Variants in DLGAP1 observed in about 807,000 individuals in gnomAD.
DLGAP1 encodes the protein disks large-associated protein 1.
DLGAP1 carries 11 observed loss-of-function variants against 90.8 expected under a neutral mutation model. The observed-to-expected ratio is 0.12, with a 90% CI of 0.08 to 0.20. The LOEUF is 0.20. Ranked by LOEUF, DLGAP1 falls within the 10% of genes least tolerant of loss-of-function variation. DLGAP1 has a pLI of 1.00. For missense variants in DLGAP1, 1,050 were observed against 1,333.8 expected, an observed-to-expected ratio of 0.79 and a Z score of 3.31; for synonymous variants, 558 against 540.7, an observed-to-expected ratio of 1.03 and a Z score of -0.44.
intron 2 of DLGAP1, among the ~76,000 whole-genome samples, chr18:4,040,169 C>T (rs553340780): frequency 1.1e-4 from 17 of 152,276 alleles, no homozygotes; most frequent in South Asian, 2.1e-4. Flanking sequence ...ACCACTCATC[C>T]GCTGTGTGAT....
intron 1 of DLGAP1, among the ~76,000 whole-genome samples, chr18:4,401,781 T>C (rs62087779): frequency 0.029 from 4,427 of 152,268 alleles, 92 homozygotes; most frequent in South Asian, 0.095. Context: ...TTATCTATGT[T>C]TGAAAAGAAA....
chr18:3,976,191 C>CAATAATAATAATAAT lies in DLGAP1; in HGVS notation c.-73+28910_-73+28924dup, dbSNP rs71160926. ...GAGAAACCCGTCTCTACTAAAAATA[C>CAATAATAATAATAAT]AATAATAATAATAATAATAATAATA... On this transcript the variant is annotated intron_variant, in intron 3 of 12. Transcript: ENST00000315677. 9.4e-3 allele frequency among the ~76,000 whole-genome samples: 1,249 copies of CAATAATAATAATAAT among 132,770 alleles called. 12 individuals carry two copies. Among genetic ancestry groups the CAATAATAATAATAAT allele is most frequent in the African/African-American group, 0.028 (867 of 30,564 alleles). 87.1% of individuals were successfully genotyped at this position (132,770 alleles called of 152,430 possible). A position where few individuals can be genotyped will look rare whatever the true frequency, so the allele number is the denominator to read the frequency against.
At chr18:4,280,816 T>C (rs1405141386) in intron 1 of DLGAP1, 10 of 152,232 alleles carry the variant, frequency 6.6e-5, no homozygotes, top group Non-Finnish European at 1.5e-4. Flanking sequence ...TGGTTGGGCA[T>C]AGATAATTGC....
intron 1 of DLGAP1, among the ~76,000 whole-genome samples, chr18:4,250,913 T>C (rs1317015791): frequency 6.6e-6 from 1 of 151,628 alleles, no homozygotes; most frequent in African/African-American, 2.4e-5. Context: ...TCAGCTACTA[T>C]ATTCAATTAA....
chr18:3,567,495 C>G lies in DLGAP1; in HGVS notation c.2052G>C (p.Glu684Asp). The G allele has an allele frequency of 6.2e-7, 1 of 1,613,752 alleles. No individual in the cohort carries two copies. The highest frequency in any genetic ancestry group is 8.5e-7 in the Non-Finnish European group (1 of 1,179,780). The part of the protein sequence containing the change: ...FQSVGVQVEE[E>D]KCFRRFTRSN... ...ATGCGTGCATGTGGACTTACCACTTCTCTTCTTCTACTTGCACTCCCACGG... is the reference window on the plus strand; with the variant it reads ...ATGCGTGCATGTGGACTTACCACTTGTCTTCTTCTACTTGCACTCCCACGG... Residue 684 changes from glutamate to aspartate, a missense_variant, in exon 9 of 13, where the codon GAG becomes GAC. Coordinates refer to ENST00000315677, the MANE Select transcript of DLGAP1 (RefSeq NM_004746.4).
chr18:3,656,067 T>G, intron 7 of DLGAP1: 3 of 1,539,116 alleles, frequency 1.9e-6, no homozygotes, highest in Non-Finnish European at 2.6e-6. Flanking sequence ...ATTGATTTTG[T>G]GGTTGTAAAA....
chr18:3,965,526 T>A, intron 3 of DLGAP1, among the ~76,000 whole-genome samples: 1 of 152,208 alleles, frequency 6.6e-6, no homozygotes. Flanking sequence ...TAGGTTGTGA[T>A]CAAATCATAA....
intron 3 of DLGAP1, 34 bp from the exon 4 acceptor site, chr18:3,880,174 C>T (rs2071118014): frequency 8.6e-6 from 9 of 1,043,536 alleles, no homozygotes; most frequent in Non-Finnish European, 1.1e-5. Flanking sequence ...AAGTCGTTAA[C>T]ATTTCTCTTG....
chr18:3,723,726 G>A (rs532927965), intron 7 of DLGAP1, among the ~76,000 whole-genome samples: 2 of 152,268 alleles, frequency 1.3e-5, no homozygotes, highest in South Asian at 4.1e-4. Flanking sequence ...CAACAGATTA[G>A]CTGCTTTTGC....
chr18:3,640,685 G>A (rs1040092725), intron 7 of DLGAP1, among the ~76,000 whole-genome samples: 10 of 152,192 alleles, frequency 6.6e-5, no homozygotes, highest in African/African-American at 1.4e-4. Context: ...GGCCAAAGAC[G>A]TGATGACCAA....
intron 1 of DLGAP1, among the ~76,000 whole-genome samples, chr18:4,388,996 T>A (rs533450527): frequency 6.6e-6 from 1 of 152,134 alleles, no homozygotes; most frequent in African/African-American, 2.4e-5. Flanking sequence ...GATCCAGCAG[T>A]TCCACTTCTG....
At chr18:3,584,780 TCTCA>T (rs1411880177) in intron 7 of DLGAP1, among the ~76,000 whole-genome samples, 1 of 151,992 alleles carries the variant, frequency 6.6e-6, no homozygotes, top group Non-Finnish European at 1.5e-5. Context: ...AGAGATAGGG[TCTCA>T]CTCTGTCATC....
chr18:4,022,367 A>G (rs2149114421), intron 2 of DLGAP1, among the ~76,000 whole-genome samples: 1 of 147,886 alleles, frequency 6.8e-6, no homozygotes, highest in African/African-American at 2.5e-5. Flanking sequence ...TATATGAAAT[A>G]TATAATATTT....
At chr18:3,647,666 A>G (rs1169970876) in intron 7 of DLGAP1, among the ~76,000 whole-genome samples, 2 of 151,908 alleles carry the variant, frequency 1.3e-5, no homozygotes, top group Admixed American at 1.3e-4. Context: ...GGGTTTCACC[A>G]TGTTGACCAG....
chr18:3,513,486 T>C (rs1336543288), intron 10 of DLGAP1, among the ~76,000 whole-genome samples: 2 of 152,076 alleles, frequency 1.3e-5, no homozygotes, highest in African/African-American at 4.8e-5. Flanking sequence ...CCAGTGCCAA[T>C]GGATAGGGGT....
At chr18:4,196,291 GA>G (rs1472629668) in intron 1 of DLGAP1, among the ~76,000 whole-genome samples, 2 of 152,174 alleles carry the variant, frequency 1.3e-5, no homozygotes, top group Non-Finnish European at 2.9e-5. Flanking sequence ...CATAAGGGTG[GA>G]AACTGACCTT....
chr18:3,551,681 CCCCTCCCTCCCTCCCT>C (rs1294062016), intron 9 of DLGAP1, among the ~76,000 whole-genome samples: 3 of 5,352 alleles, frequency 5.6e-4, no homozygotes, highest in African/African-American at 1.9e-3. Context: ...TCTTTTCCCT[CCCCTCCCTCCCTCCCT>C]CCCTCCCTCC....
Position 3,540,881 on chromosome 18 carries a change from G to T in DLGAP1, c.2058-6266C>A, listed in dbSNP as rs139626021. ...GAAATAGAAAATAATGAGAGTGGAC[G>T]TGTTGTCATCTGGTAACTTCTGAGA... On this transcript the variant is annotated intron_variant, in intron 9 of 12. Transcript: ENST00000315677. Among the ~76,000 whole-genome samples, 5 of 152,310 alleles carry T rather than the reference G, an allele frequency of 3.3e-5. No homozygotes were observed. The East Asian group carries it at 9.6e-4, about 29-fold the overall frequency.
rs377560132 is a variant in DLGAP1 at position 3,534,582 on chromosome 18, C to G, written c.2091G>C (p.Thr697=). 1 of 1,605,116 alleles carries G rather than the reference C, an allele frequency of 6.2e-7. No homozygotes were observed. The highest frequency in any genetic ancestry group is 1.1e-5 in the South Asian group (1 of 89,882). ...AGTCCAGGTCGGCCTGTACTGCTGT[C>G]GTCACACTGTTGGATCGAGTGAACC... ...FRRFTRSNSV[T]TAVQADLDFH... The change falls in exon 10 of 13, where the codon ACG becomes ACC. Residue 697 remains threonine (T), a synonymous_variant. Transcript: ENST00000315677.
Sources: allele counts gnomAD v4.1 joint callset (sites outside exome capture counted in the v4.1 genomes callset), GRCh38; gene constraint gnomAD v4.1.1; transcripts MANE v1.5; gene names NCBI Gene and HGNC (gene_info 2026-07-23, HGNC 2026-07-21).